Variants in TRAPPC9 observed in about 807,000 individuals in gnomAD.
The protein encoded by TRAPPC9 is IKK2 binding protein.
In TRAPPC9, 83 loss-of-function variants were observed where a neutral mutation model predicts 124.0. The observed-to-expected ratio is 0.67, with a 90% confidence interval of 0.56 to 0.80. TRAPPC9 has a LOEUF of 0.80. TRAPPC9 is among the 30% of genes least tolerant of loss of function. TRAPPC9 has a pLI of 0.00. For missense variants in TRAPPC9, 1,302 were observed against 1,508.3 expected, an observed-to-expected ratio of 0.86 and a Z score of 2.27; for synonymous variants, 638 against 617.5, an observed-to-expected ratio of 1.03 and a Z score of -0.49.
intron 19 of TRAPPC9, among the ~76,000 whole-genome samples, chr8:139,960,680 C>A (rs1835324421): frequency 1.5e-5 from 1 of 64,648 alleles, no homozygotes; most frequent in Non-Finnish European, 5.0e-5. Flanking sequence ...AACGGAGAAG[C>A]CAGAATCCTG....
At chr8:140,163,312 T>G (rs1012004946) in intron 17 of TRAPPC9, among the ~76,000 whole-genome samples, 1 of 152,166 alleles carries the variant, frequency 6.6e-6, no homozygotes, top group African/African-American at 2.4e-5. Context: ...TGTGAGTGCC[T>G]TGAAGTGAGG....
intron 18 of TRAPPC9, among the ~76,000 whole-genome samples, chr8:139,992,342 T>G (rs1837700247): frequency 6.6e-6 from 1 of 152,140 alleles, no homozygotes; most frequent in South Asian, 2.1e-4. Flanking sequence ...ATTTTGTTTT[T>G]AGATTTTGGA....
Position 139,984,558 on chromosome 8 carries a change from C to G in TRAPPC9, c.2810+4168G>C, listed in dbSNP as rs766452751. On this transcript the variant is annotated intron_variant, in intron 19 of 22. Coordinates refer to ENST00000438773, the MANE Select transcript of TRAPPC9 (RefSeq NM_001160372.4). The surrounding 1 kb of genome is among the most constrained non-coding windows in gnomAD (Gnocchi z 4.3). ...GGGAAGGAACTGGATACTCAAGACA[C>G]AAAGCCTGGAAGGACAGGGACCAGG... Among the ~76,000 whole-genome samples, 9 of 152,164 alleles carry G rather than the reference C, an allele frequency of 5.9e-5. No homozygotes were observed. The highest frequency in any genetic ancestry group is 1.2e-4 in the Non-Finnish European group (8 of 68,024).
At chr8:140,089,016 C>G (rs973510365) in intron 17 of TRAPPC9, among the ~76,000 whole-genome samples, 1 of 152,118 alleles carries the variant, frequency 6.6e-6, no homozygotes, top group Non-Finnish European at 1.5e-5. Flanking sequence ...TCTCTAGACC[C>G]TTCTGCTGTG....
chr8:140,297,841 C>T (rs7341646), intron 11 of TRAPPC9, among the ~76,000 whole-genome samples: 1 of 152,196 alleles, frequency 6.6e-6, no homozygotes, highest in Non-Finnish European at 1.5e-5. Flanking sequence ...TGTGTCTTGC[C>T]TGCATGAACT....
At chr8:139,756,391 GT>G (rs1819780373) in intron 21 of TRAPPC9, among the ~76,000 whole-genome samples, 1 of 133,870 alleles carries the variant, frequency 7.5e-6, no homozygotes, top group Non-Finnish European at 1.6e-5. Flanking sequence ...AGGAGCCAGG[GT>G]TGGGGTATAA....
intron 21 of TRAPPC9, among the ~76,000 whole-genome samples, chr8:139,881,451 C>T (rs559379086): frequency 2.6e-5 from 4 of 152,306 alleles, no homozygotes; most frequent in African/African-American, 9.6e-5. Context: ...CCTATCCACC[C>T]TTTATACCAC....
rs1293655521 is a variant in TRAPPC9, at chr8:140,353,382, A to AT, written c.1495+6667dup. Reference sequence around the variant, plus strand: ...TTAATATGACCTATTTATAGTATGCATTTTTTCCCCTTCTTTTCGTAAGTA... The same window carrying AT: ...TTAATATGACCTATTTATAGTATGCATTTTTTTCCCCTTCTTTTCGTAAGTA... On this transcript the variant is annotated intron_variant, in intron 9 of 22. Transcript: ENST00000438773. This position sits in a 1 kb window ranked among gnomAD's most constrained non-coding sequence, Gnocchi z 4.2. Among the ~76,000 whole-genome samples the AT allele has an allele frequency of 6.6e-6, 1 of 151,064 alleles. No individual in the cohort carries two copies. Among genetic ancestry groups the AT allele is most frequent in the Non-Finnish European group, 1.5e-5 (1 of 67,874 alleles).
intron 21 of TRAPPC9, among the ~76,000 whole-genome samples, chr8:139,807,715 T>C (rs2130726418): frequency 6.6e-6 from 1 of 152,108 alleles, no homozygotes; most frequent in South Asian, 2.1e-4. Context: ...ACCCGAGAAA[T>C]TCTTTCTTTG....
intron 17 of TRAPPC9, chr8:140,099,223 C>CAGCTGCAGGAG (rs1409761244): frequency 6.6e-6 from 1 of 151,966 alleles, no homozygotes; most frequent in Non-Finnish European, 1.5e-5. Context: ...GGTCTCTGCG[C>CAGCTGCAGGAG]AGCTGCAGGA....
chr8:139,890,194 G>A (rs1457512610), intron 20 of TRAPPC9, among the ~76,000 whole-genome samples: 1 of 152,252 alleles, frequency 6.6e-6, no homozygotes, highest in East Asian at 1.9e-4. Flanking sequence ...GGATGTCCGG[G>A]GTGTTTGGGA....
chr8:139,821,733 C>T (rs779848212), intron 21 of TRAPPC9, among the ~76,000 whole-genome samples: 2 of 152,334 alleles, frequency 1.3e-5, no homozygotes, highest in Non-Finnish European at 2.9e-5. Flanking sequence ...CAAACCAGCA[C>T]CCATGGTGAG....
intron 19 of TRAPPC9, among the ~76,000 whole-genome samples, chr8:139,936,936 T>G (rs1587276332): frequency 9.6e-6 from 1 of 104,620 alleles, no homozygotes; most frequent in Non-Finnish European, 1.9e-5. Context: ...GGCACTGCAG[T>G]GTGGTATAAA....
At chr8:140,458,184 G>A, upstream of TRAPPC9, 3 of 1,547,510 alleles carry the variant, frequency 1.9e-6, no homozygotes, top group South Asian at 2.4e-5. Context: ...GAGGAGGGAG[G>A]GAGGGACCGG....
At chr8:139,911,487 T>C (rs578125325) in intron 19 of TRAPPC9, among the ~76,000 whole-genome samples, 109 of 152,124 alleles carry the variant, frequency 7.2e-4, no homozygotes, top group Non-Finnish European at 8.4e-4. Flanking sequence ...GCAGAATCAC[T>C]AGAGGTCAGG....
intron 4 of TRAPPC9, among the ~76,000 whole-genome samples, chr8:140,428,206 G>A (rs935711973): frequency 1.3e-5 from 2 of 152,180 alleles, no homozygotes; most frequent in African/African-American, 4.8e-5. Flanking sequence ...ATGCCCCAGA[G>A]TTATTATCAC....
intron 17 of TRAPPC9, among the ~76,000 whole-genome samples, chr8:140,119,875 G>A (rs971496002): frequency 3.3e-5 from 5 of 152,140 alleles, no homozygotes; most frequent in Non-Finnish European, 7.4e-5. Flanking sequence ...AACTGTTTGT[G>A]GGCTTCTCAA....
intron 21 of TRAPPC9, among the ~76,000 whole-genome samples, chr8:139,750,376 T>G (rs1819234373): frequency 6.6e-6 from 1 of 152,166 alleles, no homozygotes; most frequent in African/African-American, 2.4e-5. Context: ...CTACCGTGCC[T>G]TTTTGTCCTC....
chr8:139,881,679 A>G (rs1829683048), intron 21 of TRAPPC9, among the ~76,000 whole-genome samples: 2 of 101,962 alleles, frequency 2.0e-5, no homozygotes, highest in African/African-American at 9.5e-5. Context: ...CCATCTCTCT[A>G]TGCCAGAAAA....
Sources: gnomAD v4.1 joint callset for allele counts (sites outside exome capture counted in the v4.1 genomes callset) on GRCh38, gnomAD v4.1.1 for gene constraint, Gnocchi (gnomAD v3.1) non-coding constraint, MANE v1.5 for transcripts, NCBI Gene and HGNC (gene_info 2026-07-23, HGNC 2026-07-21) for gene names.